Variants in MYO1F observed in about 807,000 individuals in gnomAD.
The protein encoded by MYO1F is unconventional myosin-If.
A neutral mutation model predicts 146.6 loss-of-function variants in MYO1F; 60 were observed. The ratio of observed to expected loss-of-function variants is 0.41; its 90% CI spans 0.33 to 0.51. The LOEUF (loss-of-function observed/expected upper bound fraction) is 0.51. Among genes scored for constraint, MYO1F ranks in the 20% least tolerant of loss-of-function variants. MYO1F has a pLI of 0.25. For synonymous variants in MYO1F, 602 were observed against 602.1 expected, an observed-to-expected ratio of 1.00 and a Z score of 0.00; for missense variants, 1,274 against 1,534.3, an observed-to-expected ratio of 0.83 and a Z score of 2.83.
chr19:8,551,692 G>T, intron 8 of MYO1F, 48 bp downstream of exon 8: 1 of 1,613,840 alleles, frequency 6.2e-7, no homozygotes, highest in Non-Finnish European at 8.5e-7. Context: ...AGGGTTTCTG[G>T]GGCTGAGGTC....
Position 8,555,762 on chromosome 19 carries a change from T to G in MYO1F, c.38A>C (p.Asn13Thr). 2 of 1,613,960 alleles carry G rather than the reference T, an allele frequency of 1.2e-6. No homozygotes were observed. Among genetic ancestry groups the G allele is most frequent in the Non-Finnish European group, 1.7e-6 (2 of 1,180,004 alleles). Residue 13 changes from asparagine (N) to threonine (T), a missense_variant, in exon 2 of 28, where the codon AAC (asparagine) becomes ACC (threonine). Transcript: ENST00000644032. ...GTCATCCACGCCGCTCTGCTTCACG[T>G]TGTGGCTCTGCCAGTGGAAGCGCTC... ...SKERFHWQSH[N>T]VKQSGVDDMV...
At chr19:8,546,707 A>T (rs1476563177) in intron 12 of MYO1F, among the ~76,000 whole-genome samples, 1 of 151,030 alleles carries the variant, frequency 6.6e-6, no homozygotes, top group African/African-American at 2.4e-5. Flanking sequence ...ACAGGGTCTC[A>T]TTCTGCTGTT....
intron 12 of MYO1F, among the ~76,000 whole-genome samples, chr19:8,546,924 C>T (rs372332152): frequency 6.6e-6 from 1 of 152,034 alleles, no homozygotes; most frequent in African/African-American, 2.4e-5. Flanking sequence ...GGTGATCCAC[C>T]CACCTCAGCC....
intron 1 of MYO1F, chr19:8,576,981 T>C (rs1280085664): frequency 1.9e-6 from 1 of 528,416 alleles, no homozygotes; most frequent in African/African-American, 1.9e-5. Flanking sequence ...GGGAAAGGGC[T>C]CCCTTAATTT....
intron 16 of MYO1F, among the ~76,000 whole-genome samples, chr19:8,537,440 G>C (rs1972776483): frequency 6.6e-6 from 1 of 151,826 alleles, no homozygotes; most frequent in African/African-American, 2.4e-5. Context: ...TTTTTGTTTT[G>C]TTCTGTTTTA....
intron 1 of MYO1F, among the ~76,000 whole-genome samples, chr19:8,556,032 T>G (rs1270510572): frequency 6.6e-6 from 1 of 151,486 alleles, no homozygotes; most frequent in Non-Finnish European, 1.5e-5. Context: ...TAATTTTTAT[T>G]TATTTATTTA....
Position 8,530,477 on chromosome 19 carries a change from C to T in MYO1F, c.2140G>A (p.Glu714Lys), listed in dbSNP as rs1406211383. Reference sequence around the variant, plus strand: ...CTCTCACCTTCCTCCCGCATCTCCTCGTACTTCCGGACAGCCACGTGGCGC... The same window carrying T: ...CTCTCACCTTCCTCCCGCATCTCCTTGTACTTCCGGACAGCCACGTGGCGC... ...WRRHVAVRKY[E>K]EMREEASNIL... The change falls in exon 20 of 28, where the codon GAG becomes AAG. Residue 714 changes from glutamate (E) to lysine (K), a missense_variant. Physicochemically the swap from Glu to Lys is moderately conservative, Grantham distance 56. This residue lies in a region of MYO1F where 900 missense variants were observed against 1,155.1 expected (regional missense o/e 0.78). Transcript: ENST00000644032. The surrounding 1 kb of genome is among the most constrained non-coding windows in gnomAD (Gnocchi z 5.8). The T allele has an allele frequency of 8.1e-6, 13 of 1,613,810 alleles. No individual in the cohort carries two copies. The East Asian group carries it at 8.9e-5, about 11-fold the overall frequency.
At chr19:8,521,711 G>T in intron 27 of MYO1F, 107 bp from the exon 28 acceptor site, 1 of 1,036,730 alleles carries the variant, frequency 9.6e-7, no homozygotes, top group African/African-American at 1.6e-5. Flanking sequence ...TGTCCAGGCT[G>T]GTCTTAAACT....
At position 8,522,623 on chromosome 19, in the gene MYO1F, A is replaced by C. The variant is rs750405338; in HGVS notation, c.3050+11T>G. ...GCCCACCTCCTGGAGCTGCCCTCCC[A>C]CCCCACCTACCCGGCCATGCCCTGG... On this transcript the variant is annotated intron_variant, in intron 26 of 27. Coordinates refer to ENST00000644032, the MANE Select transcript of MYO1F (RefSeq NM_012335.4). 6.2e-7 allele frequency: 1 copy of C among 1,611,522 alleles called. No individual in the cohort carries two copies. The highest frequency in any genetic ancestry group is 1.7e-5 in the Admixed American group (1 of 59,812).
intron 1 of MYO1F, among the ~76,000 whole-genome samples, chr19:8,569,174 A>G (rs1210553058): frequency 6.6e-6 from 1 of 152,080 alleles, no homozygotes; most frequent in African/African-American, 2.4e-5. Flanking sequence ...TATCTCTCTC[A>G]TTCTGTGGCC....
chr19:8,534,012 CTA>C (rs1030191998), intron 19 of MYO1F, among the ~76,000 whole-genome samples: 3 of 151,930 alleles, frequency 2.0e-5, no homozygotes, highest in Admixed American at 2.0e-4. Flanking sequence ...AAACCCATCT[CTA>C]TTAAAAACAC....
chr19:8,548,378 A>G (rs1005127898), intron 10 of MYO1F, 61 bp from the exon 11 acceptor site: 37 of 1,519,840 alleles, frequency 2.4e-5, no homozygotes, highest in Non-Finnish European at 3.2e-5. Context: ...GCCCCTGCCC[A>G]CCACTCCTTA....
At position 8,536,319 on chromosome 19, in the gene MYO1F, G is replaced by T; in HGVS notation, c.1976C>A (p.Ala659Glu). The change falls in exon 19 of 28, where the codon GCG becomes GAG. Residue 659 changes from alanine (A) to glutamate (E), a missense_variant. Around this residue, in one of 2 missense-constraint regions of MYO1F, gnomAD observed 900 missense variants for 1,155.1 expected, o/e 0.78. Transcript: ENST00000644032. ...GTACTGGTCGGGCTCCATGTTGACC[G>T]CCCGAAGCAGGTGCTGGACGCCCTG... The part of the protein sequence containing the change: ...ERQGVQHLLR[A>E]VNMEPDQYQM... 6.2e-7 allele frequency: 1 copy of T among 1,607,948 alleles called. No homozygotes were observed. Among genetic ancestry groups the T allele is most frequent in the Non-Finnish European group, 8.5e-7 (1 of 1,179,946 alleles).
At chr19:8,526,118 T>C (rs561758297) in intron 24 of MYO1F, among the ~76,000 whole-genome samples, 4 of 152,122 alleles carry the variant, frequency 2.6e-5, no homozygotes, top group Admixed American at 1.3e-4. Flanking sequence ...CATGAGGTAA[T>C]GAGTTCAAGA....
chr19:8,523,311 G>C lies in MYO1F; in HGVS notation c.2855-482C>G, dbSNP rs182006612. 2.6e-5 allele frequency among the ~76,000 whole-genome samples: 4 copies of C among 152,066 alleles called. No individual in the cohort carries two copies. In the South Asian group the frequency reaches 8.3e-4, roughly 32 times the overall value. On this transcript the variant is annotated intron_variant, in intron 25 of 27. Transcript: ENST00000644032. ...GCCTCCCAAAGTGCTGGGATTACAG[G>C]CATGAGCCACCGCGCCTGGCCAATT...
chr19:8,554,523 A>T lies in MYO1F; in HGVS notation c.280T>A (p.Tyr94Asn). The T allele has an allele frequency of 6.2e-7, 1 of 1,613,616 alleles. No individual in the cohort carries two copies. Among genetic ancestry groups the T allele is most frequent in the Non-Finnish European group, 8.5e-7 (1 of 1,179,724 alleles). ...TCACAGTCGATAAGCATGTTCCGGT[A>T]CATGTTGTCCGTGAGGGCGTAGATG... ...PHIYALTDNMYRNMLIDCENQ... is the reference protein window; with the variant it reads ...PHIYALTDNMNRNMLIDCENQ... Residue 94 changes from tyrosine to asparagine, a missense_variant, in exon 4 of 28, where the codon TAC becomes AAC. Around this residue, in one of 2 missense-constraint regions of MYO1F, gnomAD observed 900 missense variants for 1,155.1 expected, o/e 0.78. Transcript: ENST00000644032.
At chr19:8,562,387 G>T (rs190618876) in intron 1 of MYO1F, among the ~76,000 whole-genome samples, 261 of 151,898 alleles carry the variant, frequency 1.7e-3, no homozygotes, top group Non-Finnish European at 2.9e-3. Flanking sequence ...ACCTCACTGC[G>T]GCCTCGAACT....
chr19:8,552,115 C>A lies in MYO1F; in HGVS notation c.554G>T (p.Gly185Val). 6.2e-7 allele frequency: 1 copy of A among 1,614,084 alleles called. No homozygotes were observed. Among genetic ancestry groups the A allele is most frequent in the Non-Finnish European group, 8.5e-7 (1 of 1,180,016 alleles). The change falls in exon 7 of 28, where the codon GGC becomes GTC. Residue 185 changes from glycine to valine, a missense_variant. Physicochemically the swap from Gly to Val is moderately radical, Grantham distance 109 (BLOSUM62 -3). Around this residue, in one of 2 missense-constraint regions of MYO1F, gnomAD observed 900 missense variants for 1,155.1 expected, o/e 0.78. Coordinates refer to ENST00000644032, the MANE Select transcript of MYO1F (RefSeq NM_012335.4). ...QFSRGGEPDGGKISNFLLEKS... is the reference protein window; with the variant it reads ...QFSRGGEPDGVKISNFLLEKS... ...CTCCAGCAAGAAGTTGGAGATCTTG[C>A]CCCCATCTGGCTCCCCACCTCGGCT...
chr19:8,533,634 A>G (rs1972585021), intron 19 of MYO1F, among the ~76,000 whole-genome samples: 1 of 152,132 alleles, frequency 6.6e-6, no homozygotes, highest in Admixed American at 6.6e-5. Flanking sequence ...TGGGAATTAC[A>G]GGCGTGAGCC....
Sources: allele counts gnomAD v4.1 joint callset (sites outside exome capture counted in the v4.1 genomes callset), GRCh38; gene constraint gnomAD v4.1.1; regional missense constraint gnomAD v4.1.1; non-coding constraint Gnocchi (gnomAD v3.1); transcripts MANE v1.5; gene names NCBI Gene and HGNC (gene_info 2026-07-23, HGNC 2026-07-21).